Variants in ZNF789 observed in about 807,000 individuals in gnomAD.
ZNF789 encodes zinc finger protein 789.
Under a neutral mutation model 15.6 loss-of-function variants are expected in ZNF789, and 11 were observed. That is an observed-to-expected ratio of 0.70 (90% CI 0.44 to 1.16). ZNF789 has a LOEUF of 1.16. ZNF789 is among the 50% of genes most tolerant of loss of function. ZNF789 has a pLI of 0.00. For synonymous variants in ZNF789, 159 were observed against 176.0 expected, an observed-to-expected ratio of 0.90 and a Z score of 0.76; for missense variants, 461 against 512.6, an observed-to-expected ratio of 0.90 and a Z score of 0.97.
chr7:99,486,914 G>A lies in ZNF789; in HGVS notation c.704G>A (p.Gly235Glu). Residue 235 changes from glycine to glutamate, a missense_variant, in exon 5 of 5, where the codon GGG becomes GAG. Coordinates refer to ENST00000331410, the MANE Select transcript of ZNF789 (RefSeq NM_213603.3). The part of the protein sequence containing the change: ...LENPFECKVC[G>E]QAFRQRSALT... Reference sequence around the variant, plus strand: ...AATCCTTTTGAGTGTAAGGTCTGTGGGCAAGCCTTCAGACAGCGGTCAGCT... The same window carrying A: ...AATCCTTTTGAGTGTAAGGTCTGTGAGCAAGCCTTCAGACAGCGGTCAGCT... The A allele has an allele frequency of 6.2e-7, 1 of 1,614,136 alleles. No individual in the cohort carries two copies. The highest frequency in any genetic ancestry group is 8.5e-7 in the Non-Finnish European group (1 of 1,180,038).
At position 99,487,162 on chromosome 7, in the gene ZNF789, T is replaced by C; in HGVS notation, c.952T>C (p.Cys318Arg). The change falls in exon 5 of 5, where the codon TGT becomes CGT. Residue 318 changes from cysteine (C) to arginine (R), a missense_variant. Physicochemically the swap from Cys to Arg is radical, Grantham distance 180. Coordinates refer to ENST00000331410, the MANE Select transcript of ZNF789 (RefSeq NM_213603.3). ...AGAAAAACGCCATAAATGCCTTGAG[T>C]GTGGAAAAGCCTTTGGCCGGCATTC... is the stretch of plus-strand genomic sequence containing the variant. ...SGEKRHKCLE[C>R]GKAFGRHSTL... 6.2e-7 allele frequency: 1 copy of C among 1,614,094 alleles called. No individual in the cohort carries two copies. Among genetic ancestry groups the C allele is most frequent in the South Asian group, 1.1e-5 (1 of 91,076 alleles).
chr7:99,477,090 T>A (rs937826942), intron 2 of ZNF789, among the ~76,000 whole-genome samples: 1 of 152,018 alleles, frequency 6.6e-6, no homozygotes, highest in African/African-American at 2.4e-5. Context: ...GTTGCCAGGC[T>A]GGAGTGTAGT....
At chr7:99,475,808 T>TTC (rs1409333432) in intron 1 of ZNF789, among the ~76,000 whole-genome samples, 3 of 144,662 alleles carry the variant, frequency 2.1e-5, no homozygotes, top group African/African-American at 7.6e-5. Context: ...TTTTCTTTCT[T>TTC]TTTTTTTTTT....
At chr7:99,483,389 G>A (rs1190627520) in intron 3 of ZNF789, among the ~76,000 whole-genome samples, 1 of 152,068 alleles carries the variant, frequency 6.6e-6, no homozygotes, top group Non-Finnish European at 1.5e-5. Context: ...CAGCACTTTG[G>A]GAGGCCAAGG....
In ZNF789 at chr7:99,486,356, G is replaced by GT. The variant is rs1644440276; in HGVS notation, c.266-119dup. On this transcript the variant is annotated intron_variant, in intron 4 of 4. Coordinates refer to ENST00000331410, the MANE Select transcript of ZNF789 (RefSeq NM_213603.3). ...GTTTTGGCCTCTTGAGTCTGATGAT[G>GT]TAAACGAGATCACTTCTTAGCTTCA... 1.6e-5 allele frequency: 17 copies of GT among 1,033,838 alleles called. No homozygotes were observed. The South Asian group carries it at 3.0e-4, about 18-fold the overall frequency. The allele number at this position is 1,033,838 out of a possible 1,614,324, so 64.0% of individuals were successfully genotyped here.
chr7:99,482,120 C>T (rs1799666160), intron 3 of ZNF789: 2 of 779,822 alleles, frequency 2.6e-6, no homozygotes, highest in East Asian at 2.4e-5. Flanking sequence ...CATGTAGCTT[C>T]TTCAAGCTAC....
At chr7:99,473,653 C>A (rs2151044310) in intron 1 of ZNF789, among the ~76,000 whole-genome samples, 1 of 152,302 alleles carries the variant, frequency 6.6e-6, no homozygotes, top group South Asian at 2.1e-4. Context: ...CGAAGTGTTA[C>A]TCTGTTGCCC....
chr7:99,486,788 G>T lies in ZNF789; in HGVS notation c.578G>T (p.Arg193Leu). The change falls in exon 5 of 5, where the codon CGA (arginine) becomes CTA (leucine). Residue 193 changes from arginine (R) to leucine (L), a missense_variant. Physicochemically the swap from Arg to Leu is moderately radical, Grantham distance 102. Transcript: ENST00000331410. ...NQRSLLLGHE[R>L]ILTRAKSYEC... ...AGATCTTTGCTTTTGGGGCATGAGC[G>T]AATTCTCACAAGAGCAAAGTCTTAT... is the stretch of plus-strand genomic sequence containing the variant. The T allele has an allele frequency of 6.2e-7, 1 of 1,614,174 alleles. No individual in the cohort carries two copies.
In ZNF789 at chr7:99,487,414, T is replaced by C. The variant is rs1446662176; in HGVS notation, c.1204T>C (p.Cys402Arg). The change falls in exon 5 of 5, where the codon TGT (cysteine) becomes CGT (arginine). Residue 402 changes from cysteine (C) to arginine (R), a missense_variant. Transcript: ENST00000331410. ...TGSQPYQCVI[C>R]GKSFKWHTSF... ...AAGCCAACCCTACCAATGTGTCATA[T>C]GTGGAAAATCTTTCAAGTGGCACAC... 1.2e-6 allele frequency: 2 copies of C among 1,614,230 alleles called. No homozygotes were observed. The highest frequency in any genetic ancestry group is 3.3e-5 in the Admixed American group (2 of 60,012).
At chr7:99,485,117 G>C (rs1479175267) in intron 4 of ZNF789, 26 of 1,458,990 alleles carry the variant, frequency 1.8e-5, no homozygotes, top group Non-Finnish European at 2.4e-5. Flanking sequence ...TCTCGGTGCT[G>C]CCTCTTGTTC....
chr7:99,476,503 C>T (rs879145053), intron 2 of ZNF789, 23 bp downstream of exon 2: 1 of 1,610,964 alleles, frequency 6.2e-7, no homozygotes, highest in Non-Finnish European at 8.5e-7. Flanking sequence ...TCCCCCTCTG[C>T]TTCATCAGCA....
intron 1 of ZNF789, among the ~76,000 whole-genome samples, chr7:99,474,662 G>C (rs987902225): frequency 6.6e-6 from 1 of 152,046 alleles, no homozygotes; most frequent in African/African-American, 2.4e-5. Context: ...GGCCATATGC[G>C]GTCCACAGGC....
intron 3 of ZNF789, 132 bp downstream of exon 3, chr7:99,479,919 T>TTGTAGCC: frequency 7.8e-7 from 1 of 1,283,058 alleles, no homozygotes; most frequent in Non-Finnish European, 1.1e-6. Flanking sequence ...CTCGTGTGGC[T>TTGTAGCC]ACAAGCCCTG....
Position 99,476,448 on chromosome 7 carries a change from G to C in ZNF789, c.-9G>C. 1 of 1,610,648 alleles carries C rather than the reference G, an allele frequency of 6.2e-7. No individual in the cohort carries two copies. Among genetic ancestry groups the C allele is most frequent in the South Asian group, 1.1e-5 (1 of 90,244 alleles). On this transcript the variant is annotated 5_prime_UTR_variant, in exon 2 of 5. Transcript: ENST00000331410. ...CCCACCCCTTGCAAAAGACCAGGCC[G>C]TGGAAGCCATGTTCCCACCAGCCAG...
chr7:99,486,428 C>A (rs370316823), intron 4 of ZNF789, 48 bp from the exon 5 acceptor site: 276 of 1,524,606 alleles, frequency 1.8e-4, no homozygotes, highest in Non-Finnish European at 2.4e-4. Context: ...TCCTTTTTTT[C>A]TTCTGCAGTG....
chr7:99,478,611 C>A (rs1389651825), intron 2 of ZNF789: 3 of 347,356 alleles, frequency 8.6e-6, no homozygotes, highest in African/African-American at 4.3e-5. Context: ...TGTAGACAGC[C>A]GCTGGGCCCC....
At chr7:99,478,377 G>A (rs1214365475) in intron 2 of ZNF789, 11 of 1,288,450 alleles carry the variant, frequency 8.5e-6, no homozygotes, top group East Asian at 1.1e-4. Flanking sequence ...GCCTGCAACC[G>A]TAGCAGTGGA....
intron 1 of ZNF789, among the ~76,000 whole-genome samples, chr7:99,476,059 TC>T (rs1195329988): frequency 6.6e-6 from 1 of 152,118 alleles, no homozygotes; most frequent in African/African-American, 2.4e-5. Context: ...CGCCTCAGCC[TC>T]CCAAAGTGCT....
chr7:99,482,123 C>T, intron 3 of ZNF789: 1 of 779,808 alleles, frequency 1.3e-6, no homozygotes, highest in Non-Finnish European at 2.4e-6. Flanking sequence ...GTAGCTTCTT[C>T]AAGCTACGCT....
Sources: gnomAD v4.1 joint callset for allele counts (sites outside exome capture counted in the v4.1 genomes callset) on GRCh38, gnomAD v4.1.1 for gene constraint, MANE v1.5 for transcripts, NCBI Gene and HGNC (gene_info 2026-07-23, HGNC 2026-07-21) for gene names.